Variants in DNAH5 observed in about 807,000 individuals in gnomAD.
The protein encoded by DNAH5 is axonemal beta dynein heavy chain 5.
Under a neutral mutation model 518.2 loss-of-function variants are expected in DNAH5, and 372 were observed. The ratio of observed to expected loss-of-function variants is 0.72; its 90% CI spans 0.66 to 0.78. The LOEUF (loss-of-function observed/expected upper bound fraction) is 0.78, where lower values mean the gene tolerates loss of function less well. Among genes scored for constraint, DNAH5 ranks in the 30% least tolerant of loss-of-function variants. The probability of loss-of-function intolerance (pLI) is 0.00; values close to 1 mark genes in which losing one functional copy is unlikely to be tolerated. For missense variants in DNAH5, 5,523 were observed against 5,687.0 expected, an observed-to-expected ratio of 0.97 and a Z score of 0.93; for synonymous variants, 2,039 against 2,025.9, an observed-to-expected ratio of 1.01 and a Z score of -0.17.
In DNAH5 at chr5:13,901,558, A is replaced by C. The variant is rs371704598; in HGVS notation, c.1746T>G (p.Asn582Lys). The C allele has an allele frequency of 6.2e-7, 1 of 1,611,278 alleles. No homozygotes were observed. Among genetic ancestry groups the C allele is most frequent in the African/African-American group, 1.3e-5 (1 of 74,860 alleles). Residue 582 changes from asparagine (N) to lysine (K), a missense_variant, in exon 14 of 79, where the codon AAT becomes AAG. This residue lies in a region of DNAH5 where 5,121 missense variants were observed against 5,223.3 expected (regional missense o/e 0.98). Transcript: ENST00000265104. ...GTTGATATTTGTCATCAATACCAAG[A>C]TTAGGTATATTCAATCTGATTTTTT... ...LKKFERLNIP[N>K]LGIDDKYQLI...
chr5:13,692,387 A>T (rs1404370392), intron 78 of DNAH5, among the ~76,000 whole-genome samples: 2 of 152,136 alleles, frequency 1.3e-5, no homozygotes, highest in Non-Finnish European at 2.9e-5. Context: ...TGAACCATGG[A>T]CAGTAACTCA....
Position 13,913,723 on chromosome 5 carries a change from A to G in DNAH5, c.1536+20T>C, listed in dbSNP as rs762519004. Reference sequence around the variant, plus strand: ...TTAGTTGTGGATTATGTTATAAAATATAGCTTTAAAGTACAATACCTGGTA... The same window carrying G: ...TTAGTTGTGGATTATGTTATAAAATGTAGCTTTAAAGTACAATACCTGGTA... On this transcript the variant is annotated intron_variant, in intron 11 of 78. Coordinates refer to ENST00000265104, the MANE Select transcript of DNAH5 (RefSeq NM_001369.3). The G allele has an allele frequency of 6.2e-7, 1 of 1,612,658 alleles. No homozygotes were observed. The highest frequency in any genetic ancestry group is 1.7e-5 in the Admixed American group (1 of 60,000).
At chr5:13,953,297 A>G (rs1200186938) in intron 1 of DNAH5, among the ~76,000 whole-genome samples, 1 of 152,218 alleles carries the variant, frequency 6.6e-6, no homozygotes, top group Non-Finnish European at 1.5e-5. Flanking sequence ...ATACATTTCT[A>G]TCATAAATAC....
At chr5:13,749,720 C>CA (rs1406931395) in intron 65 of DNAH5, among the ~76,000 whole-genome samples, 1 of 152,174 alleles carries the variant, frequency 6.6e-6, no homozygotes, top group African/African-American at 2.4e-5. Flanking sequence ...ATACCAGTGA[C>CA]AGAGGTGGCC....
chr5:13,957,440 G>C (rs1215554069), intron 1 of DNAH5, among the ~76,000 whole-genome samples: 5 of 152,190 alleles, frequency 3.3e-5, no homozygotes, highest in South Asian at 2.1e-4. Context: ...TAATGAAAGA[G>C]AAGCCAGTCT....
intron 1 of DNAH5, among the ~76,000 whole-genome samples, chr5:14,009,934 G>T (rs1267760017): frequency 2.0e-5 from 3 of 152,140 alleles, no homozygotes; most frequent in Non-Finnish European, 4.4e-5. Flanking sequence ...TATAAATTAT[G>T]TATGTATAAA....
intron 1 of DNAH5, among the ~76,000 whole-genome samples, chr5:13,987,328 G>C (rs1783120674): frequency 6.6e-6 from 1 of 151,986 alleles, no homozygotes; most frequent in Non-Finnish European, 1.5e-5. Context: ...GAATATAGTA[G>C]AGATGAAAAA....
chr5:13,753,591 TCCG>T, intron 62 of DNAH5, 42 bp from the exon 63 acceptor site: 1 of 1,516,328 alleles, frequency 6.6e-7, no homozygotes, highest in Non-Finnish European at 9.1e-7. Context: ...TTTACGTTCA[TCCG>T]TGTGATTGTA....
intron 66 of DNAH5, among the ~76,000 whole-genome samples, 194 bp from the exon 67 acceptor site, chr5:13,736,126 C>T (rs1167307809): frequency 6.6e-6 from 1 of 152,116 alleles, no homozygotes. Context: ...AAGTAATCAA[C>T]TATTTGTATT....
At chr5:13,805,484 G>A (rs191128222) in intron 47 of DNAH5, among the ~76,000 whole-genome samples, 5 of 152,102 alleles carry the variant, frequency 3.3e-5, no homozygotes, top group South Asian at 2.1e-4. Context: ...GTGACAGAGC[G>A]AGGCTCCGTT....
rs542276184 is a variant in DNAH5 at position 13,801,170 on chromosome 5, C to A, written c.7887+6421G>T. 5.9e-5 allele frequency among the ~76,000 whole-genome samples: 9 copies of A among 152,226 alleles called. No individual in the cohort carries two copies. The East Asian group carries it at 1.7e-3, about 29-fold the overall frequency. Reference sequence around the variant, plus strand: ...GGAGGTGAGGCCTGGTGGGAGGTGACTGGATCATGGAGGTGGTTTCTAACG... The same window carrying A: ...GGAGGTGAGGCCTGGTGGGAGGTGAATGGATCATGGAGGTGGTTTCTAACG... On this transcript the variant is annotated intron_variant, in intron 47 of 78. Transcript: ENST00000265104.
At chr5:13,870,635 TCAA>T (rs995765362) in intron 24 of DNAH5, 129 bp downstream of exon 24, 2 of 875,396 alleles carry the variant, frequency 2.3e-6, no homozygotes, top group African/African-American at 3.3e-5. Flanking sequence ...TTCGGTATCA[TCAA>T]CAATATTGAA....
intron 50 of DNAH5, among the ~76,000 whole-genome samples, chr5:13,791,785 A>G (rs915540335): frequency 2.0e-5 from 3 of 152,212 alleles, no homozygotes; most frequent in Non-Finnish European, 4.4e-5. Flanking sequence ...TTCTTAAAAC[A>G]CAAACCTAAT....
chr5:13,781,575 T>G (rs1755143631), intron 52 of DNAH5, among the ~76,000 whole-genome samples: 1 of 151,916 alleles, frequency 6.6e-6, no homozygotes, highest in African/African-American at 2.4e-5. Flanking sequence ...AGTGTTCCTG[T>G]GGTAGTGACT....
chr5:13,827,457 T>G (rs1252044560), intron 38 of DNAH5, among the ~76,000 whole-genome samples: 1 of 150,720 alleles, frequency 6.6e-6, no homozygotes, highest in East Asian at 2.0e-4. Flanking sequence ...CTTGGTGCCC[T>G]GCATCCCAGC....
At chr5:14,001,658 C>A (rs2152083857) in intron 1 of DNAH5, among the ~76,000 whole-genome samples, 1 of 151,794 alleles carries the variant, frequency 6.6e-6, no homozygotes, top group East Asian at 1.9e-4. Flanking sequence ...CCACTGTGCC[C>A]AGCCTAGTTT....
chr5:13,707,972 C>G lies in DNAH5; in HGVS notation c.13338+151G>C. 3.3e-6 allele frequency: 3 copies of G among 915,854 alleles called. No homozygotes were observed. Among genetic ancestry groups the G allele is most frequent in the Non-Finnish European group, 5.3e-6 (3 of 570,512 alleles). 56.7% of individuals were successfully genotyped at this position (915,854 alleles called of 1,614,324 possible). On this transcript the variant is annotated intron_variant, in intron 76 of 78. Transcript: ENST00000265104. This position sits in a 1 kb window ranked among gnomAD's most constrained non-coding sequence, Gnocchi z 4.0. Reference sequence around the variant, plus strand: ...GCTAAAAAAAAACTTCCTTCCCTACCTATGGTCTAAAAATACAGGGCTACA... The same window carrying G: ...GCTAAAAAAAAACTTCCTTCCCTACGTATGGTCTAAAAATACAGGGCTACA...
At chr5:13,946,435 A>G (rs1779927126), upstream of DNAH5, among the ~76,000 whole-genome samples, 1 of 152,192 alleles carries the variant, frequency 6.6e-6, no homozygotes. Context: ...GCTCACTGGA[A>G]GTTGTTGAAC....
chr5:13,834,243 A>T (rs1764069230), intron 35 of DNAH5, among the ~76,000 whole-genome samples: 1 of 152,220 alleles, frequency 6.6e-6, no homozygotes, highest in South Asian at 2.1e-4. Context: ...AATATAAAAA[A>T]AATACAAGAC....
Sources: gnomAD v4.1 joint callset for allele counts (sites outside exome capture counted in the v4.1 genomes callset) on GRCh38, gnomAD v4.1.1 for gene constraint, gnomAD v4.1.1 regional missense constraint, Gnocchi (gnomAD v3.1) non-coding constraint, MANE v1.5 for transcripts, NCBI Gene and HGNC (gene_info 2026-07-23, HGNC 2026-07-21) for gene names.